SGCD: variants seen among roughly 807,000 people sequenced by gnomAD.
SGCD encodes delta-sarcoglycan.
A neutral mutation model predicts 36.6 loss-of-function variants in SGCD; 18 were observed. The observed-to-expected ratio is 0.49, with a 90% CI of 0.34 to 0.73. The LOEUF (loss-of-function observed/expected upper bound fraction) is 0.73. Among genes scored for constraint, SGCD ranks in the 30% least tolerant of loss-of-function variants. SGCD has a pLI of 0.01. For synonymous variants in SGCD, 133 were observed against 130.6 expected, an observed-to-expected ratio of 1.02 and a Z score of -0.12; for missense variants, 387 against 346.7, an observed-to-expected ratio of 1.12 and a Z score of -0.92.
At chr5:156,587,541 A>G (rs1760543121) in intron 4 of SGCD, among the ~76,000 whole-genome samples, 1 of 152,010 alleles carries the variant, frequency 6.6e-6, no homozygotes, top group Non-Finnish European at 1.5e-5. Context: ...CCTTTCCTCC[A>G]CTTTTGAAAG....
chr5:156,150,165 C>T (rs1762801147), intron 3 of SGCD, among the ~76,000 whole-genome samples: 1 of 152,202 alleles, frequency 6.6e-6, no homozygotes, highest in Non-Finnish European at 1.5e-5. Flanking sequence ...CACCACCACT[C>T]TCTCAGTTCT....
the SGCD span, among the ~76,000 whole-genome samples, chr5:155,731,109 A>G: frequency 6.6e-6 from 1 of 152,064 alleles, no homozygotes; most frequent in Non-Finnish European, 1.5e-5. Flanking sequence ...AAAAAGGAGA[A>G]AGACAGAGGG....
At chr5:156,349,567 T>A (rs977890394) in intron 3 of SGCD, among the ~76,000 whole-genome samples, 1 of 151,946 alleles carries the variant, frequency 6.6e-6, no homozygotes, top group African/African-American at 2.4e-5. Flanking sequence ...CAAAGCAGAA[T>A]GGCTATTAAT....
intron 1 of SGCD, among the ~76,000 whole-genome samples, chr5:156,011,780 A>C (rs1037821000): frequency 1.3e-5 from 2 of 152,174 alleles, no homozygotes; most frequent in Non-Finnish European, 2.9e-5. Flanking sequence ...TAATACCTGG[A>C]TTCTTCTCTG....
intron 1 of SGCD, among the ~76,000 whole-genome samples, chr5:156,074,696 A>G (rs189103665): frequency 3.9e-5 from 6 of 152,192 alleles, no homozygotes; most frequent in African/African-American, 7.2e-5. Context: ...AGAAAAAAGA[A>G]TGTATTTATA....
chr5:156,132,249 G>A (rs1411719722), intron 3 of SGCD, among the ~76,000 whole-genome samples: 1 of 151,930 alleles, frequency 6.6e-6, no homozygotes, highest in Non-Finnish European at 1.5e-5. Flanking sequence ...TTGTGTGTGT[G>A]TGTGTGTTTG....
intron 3 of SGCD, among the ~76,000 whole-genome samples, chr5:156,320,097 A>ATATGTG (rs3220380): frequency 2.1e-5 from 3 of 146,198 alleles, no homozygotes; most frequent in African/African-American, 7.6e-5. Flanking sequence ...AGCCTTTGAT[A>ATATGTG]TGTGTGTGTG....
intron 1 of SGCD, among the ~76,000 whole-genome samples, chr5:156,033,476 G>A (rs550130631): frequency 1.3e-5 from 2 of 152,212 alleles, no homozygotes; most frequent in East Asian, 1.9e-4. Context: ...ACTTGTAAGT[G>A]AGAACATGCA....
At chr5:155,878,785 T>C (rs1360572663) in intron 1 of SGCD, among the ~76,000 whole-genome samples, 1 of 152,124 alleles carries the variant, frequency 6.6e-6, no homozygotes, top group Non-Finnish European at 1.5e-5. Context: ...TCATATCCAA[T>C]AGAATAAACT....
At chr5:156,187,942 G>A (rs1363579025) in intron 3 of SGCD, among the ~76,000 whole-genome samples, 1 of 152,184 alleles carries the variant, frequency 6.6e-6, no homozygotes, top group Non-Finnish European at 1.5e-5. Context: ...AAGGTATGGT[G>A]AGAAATATGT....
At chr5:155,729,883 T>G in the SGCD span, among the ~76,000 whole-genome samples, 2 of 152,200 alleles carry the variant, frequency 1.3e-5, no homozygotes, top group Non-Finnish European at 2.9e-5. Context: ...CGGAGTTGGC[T>G]GGTCCTCGGA....
At chr5:155,847,567 G>A in the SGCD span, among the ~76,000 whole-genome samples, 2 of 152,138 alleles carry the variant, frequency 1.3e-5, no homozygotes, top group Admixed American at 6.5e-5. Context: ...AATAATGGCG[G>A]GGCATTCTGA....
intron 3 of SGCD, among the ~76,000 whole-genome samples, chr5:156,503,264 C>T (rs2127866262): frequency 6.6e-6 from 1 of 152,100 alleles, no homozygotes; most frequent in African/African-American, 2.4e-5. Flanking sequence ...CTTTTTGTAA[C>T]TCGTCATGGC....
intron 1 of SGCD, among the ~76,000 whole-genome samples, chr5:156,102,852 T>A (rs1761552835): frequency 6.6e-6 from 1 of 152,186 alleles, no homozygotes. Context: ...TGTACACACA[T>A]ACATACACAC....
chr5:156,167,080 T>C (rs1198407625), intron 3 of SGCD, among the ~76,000 whole-genome samples: 2 of 152,136 alleles, frequency 1.3e-5, no homozygotes, highest in Non-Finnish European at 2.9e-5. Context: ...CACTTGGCTC[T>C]ACTGGAACAC....
chr5:156,214,953 G>A (rs1020698622), intron 3 of SGCD, among the ~76,000 whole-genome samples: 1 of 152,032 alleles, frequency 6.6e-6, no homozygotes, highest in African/African-American at 2.4e-5. Flanking sequence ...AAATCAAAAT[G>A]TATTAAAGTC....
intron 7 of SGCD, among the ~76,000 whole-genome samples, chr5:156,690,856 C>G (rs1051222188): frequency 6.6e-6 from 1 of 151,956 alleles, no homozygotes. Context: ...AATAGGATGA[C>G]TGTTAAAGTC....
chr5:156,266,903 A>C (rs1766012069), intron 3 of SGCD, among the ~76,000 whole-genome samples: 1 of 152,080 alleles, frequency 6.6e-6, no homozygotes, highest in African/African-American at 2.4e-5. Context: ...AAAGCTCAGC[A>C]TGTTGGGTCT....
chr5:156,271,027 A>G (rs1402332006), intron 3 of SGCD, among the ~76,000 whole-genome samples: 1 of 152,224 alleles, frequency 6.6e-6, no homozygotes, highest in Admixed American at 6.5e-5. Flanking sequence ...CACCACTGGA[A>G]CTGATAAAAT....
Sources: allele counts gnomAD v4.1 joint callset (sites outside exome capture counted in the v4.1 genomes callset), GRCh38; gene constraint gnomAD v4.1.1; transcripts MANE v1.5; gene names NCBI Gene and HGNC (gene_info 2026-07-23, HGNC 2026-07-21).